Variants in SLC35A3 observed in about 807,000 individuals in gnomAD.
SLC35A3 encodes the protein UDP-N-acetylglucosamine transporter.
A neutral mutation model predicts 39.0 loss-of-function variants in SLC35A3; 26 were observed. The observed-to-expected ratio is 0.67, with a 90% CI of 0.49 to 0.92. The LOEUF (loss-of-function observed/expected upper bound fraction) is 0.92. SLC35A3 is among the 40% of genes least tolerant of loss of function. The probability of loss-of-function intolerance (pLI) is 0.00; values close to 1 mark genes in which losing one functional copy is unlikely to be tolerated. For missense variants in SLC35A3, 299 were observed against 371.6 expected, an observed-to-expected ratio of 0.80 and a Z score of 1.61; for synonymous variants, 135 against 133.1, an observed-to-expected ratio of 1.01 and a Z score of -0.10.
intron 1 of SLC35A3, among the ~76,000 whole-genome samples, chr1:99,976,957 C>G (rs1375252602): frequency 3.3e-5 from 5 of 151,906 alleles, no homozygotes; most frequent in Non-Finnish European, 5.9e-5. Context: ...CCCTTACCTT[C>G]AATCTAAAAT....
chr1:100,022,458 A>C lies in SLC35A3; in HGVS notation c.960A>C (p.Gly320=). ...FLYGYDPKPA[G]NPTKA is the part of the protein sequence containing the mutation. ...ATGGTTATGATCCCAAACCTGCAGG[A>C]AATCCCACTAAAGCATAGTTGTATA... The change falls in exon 8 of 8, where the codon GGA becomes GGC. Residue 320 remains glycine (G), a synonymous_variant. Transcript: ENST00000533028. The C allele has an allele frequency of 1.3e-6, 2 of 1,590,162 alleles. No individual in the cohort carries two copies. The highest frequency in any genetic ancestry group is 1.7e-6 in the Non-Finnish European group (2 of 1,159,772).
In SLC35A3 at chr1:99,999,388, A is replaced by G. The variant is rs1251596342; in HGVS notation, c.315A>G (p.Leu105=). ...AGAATAATTTACTGTATGTGGCACT[A>G]TCAAATCTAGATGCAGCTACTTATC... ...TLQNNLLYVA[L]SNLDAATYQV... is the part of the protein sequence containing the mutation. The change falls in exon 3 of 8, where the codon CTA becomes CTG. Residue 105 remains leucine, a synonymous_variant. Transcript: ENST00000533028. 1 of 1,588,168 alleles carries G rather than the reference A, an allele frequency of 6.3e-7. No individual in the cohort carries two copies. Among genetic ancestry groups the G allele is most frequent in the Non-Finnish European group, 8.5e-7 (1 of 1,171,758 alleles).
intron 5 of SLC35A3, among the ~76,000 whole-genome samples, chr1:100,012,623 C>T (rs926769189): frequency 1.3e-5 from 2 of 152,120 alleles, no homozygotes; most frequent in African/African-American, 4.8e-5. Flanking sequence ...ACCAGGAACT[C>T]TATTACCTAT....
chr1:99,978,271 A>G (rs890199224), intron 1 of SLC35A3, among the ~76,000 whole-genome samples: 6 of 152,176 alleles, frequency 3.9e-5, no homozygotes, highest in African/African-American at 1.4e-4. Flanking sequence ...CATACCTGCA[A>G]TCCCAGCACT....
intron 1 of SLC35A3, chr1:99,970,647 A>G (rs1656751755): frequency 1.3e-6 from 2 of 1,533,468 alleles, no homozygotes; most frequent in Non-Finnish European, 1.7e-6. Flanking sequence ...TGCCCTTGGT[A>G]AGGCTAGTAA....
At chr1:100,005,608 T>G (rs887054469) in intron 3 of SLC35A3, among the ~76,000 whole-genome samples, 1 of 152,234 alleles carries the variant, frequency 6.6e-6, no homozygotes, top group Admixed American at 6.5e-5. Context: ...TTCTTTATTC[T>G]GTTTCATCTA....
At chr1:99,970,439 C>A in intron 1 of SLC35A3, 1 of 761,218 alleles carries the variant, frequency 1.3e-6, no homozygotes, top group Non-Finnish European at 2.1e-6. Context: ...GTGTGTCAAG[C>A]GAATGAAGAC....
chr1:100,009,923 C>T (rs112021877), intron 4 of SLC35A3, among the ~76,000 whole-genome samples: 8 of 152,224 alleles, frequency 5.3e-5, no homozygotes, highest in African/African-American at 1.7e-4. Flanking sequence ...GACTTGAGCT[C>T]AGAAGAGATG....
At chr1:100,000,278 G>C (rs780575378) in intron 3 of SLC35A3, among the ~76,000 whole-genome samples, 11 of 152,000 alleles carry the variant, frequency 7.2e-5, no homozygotes, top group Non-Finnish European at 1.6e-4. Flanking sequence ...CTATTCTAAC[G>C]GGGCAGGATG....
In SLC35A3 at chr1:100,024,655, T is replaced by A. The variant is rs1660793724; in HGVS notation, c.*2179T>A. The A allele has an allele frequency of 2.6e-6, 1 of 383,828 alleles. No individual in the cohort carries two copies. Among genetic ancestry groups the A allele is most frequent in the Non-Finnish European group, 4.6e-6 (1 of 217,874 alleles). 23.8% of individuals were successfully genotyped at this position (383,828 alleles called of 1,614,324 possible). ...TTTTTTTTGAGACAGAGTCTCACTT[T>A]GTCGCCAGGCTGGAGTGCTGTGGCG... On this transcript the variant is annotated 3_prime_UTR_variant, in exon 8 of 8. Transcript: ENST00000533028.
chr1:100,007,104 T>G lies in SLC35A3; in HGVS notation c.413T>G (p.Val138Gly), dbSNP rs752315530. Residue 138 changes from valine to glycine, a missense_variant, in exon 4 of 8, where the codon GTA becomes GGA. Transcript: ENST00000533028. ...SVSMLSKKLG[V>G]YQWLSLVILM... ...TCTATGCTTAGTAAAAAATTGGGTG[T>G]ATACCAGTGGCTGTCCCTAGTAATT... The G allele has an allele frequency of 1.9e-6, 3 of 1,612,720 alleles. No individual in the cohort carries two copies. The African/African-American group carries it at 4.0e-5, about 22-fold the overall frequency.
chr1:99,982,444 A>G (rs953098015), intron 1 of SLC35A3, among the ~76,000 whole-genome samples: 2 of 152,154 alleles, frequency 1.3e-5, no homozygotes, highest in African/African-American at 4.8e-5. Context: ...TGGTGGTAGT[A>G]AGTGTGCATT....
At chr1:100,005,406 CAT>C (rs1326235015) in intron 3 of SLC35A3, among the ~76,000 whole-genome samples, 15 of 152,296 alleles carry the variant, frequency 9.8e-5, no homozygotes, top group African/African-American at 3.4e-4. Flanking sequence ...CCACAACTAA[CAT>C]ATGTTTTGAG....
intron 1 of SLC35A3, among the ~76,000 whole-genome samples, chr1:99,979,430 C>CTTTTTTTTTTTTTTTTTT (rs755564922): frequency 7.3e-6 from 1 of 136,316 alleles, no homozygotes; most frequent in Non-Finnish European, 1.6e-5. Flanking sequence ...CCTTTTCTTT[C>CTTTTTTTTTTTTTTTTTT]TTTTTTTTTT....
rs1023054571 is a variant in SLC35A3, at chr1:100,024,354, C to G, written c.*1878C>G. On this transcript the variant is annotated 3_prime_UTR_variant, in exon 8 of 8. Transcript: ENST00000533028. ...GATCACAAGGTCAGGAATTCGAGACCAGCCTGGCCAGCATGGTGAAATCCC... is the reference window on the plus strand; with the variant it reads ...GATCACAAGGTCAGGAATTCGAGACGAGCCTGGCCAGCATGGTGAAATCCC... 6.6e-6 allele frequency: 1 copy of G among 151,834 alleles called. No homozygotes were observed. Among genetic ancestry groups the G allele is most frequent in the Non-Finnish European group, 1.5e-5 (1 of 68,014 alleles). The allele number at this position is 151,834 out of a possible 1,614,324, so 9.4% of individuals were successfully genotyped here.
chr1:99,999,506 A>G, intron 3 of SLC35A3, 91 bp downstream of exon 3: 1 of 736,956 alleles, frequency 1.4e-6, no homozygotes, highest in Non-Finnish European at 2.1e-6. Flanking sequence ...TGGTATTTTG[A>G]TACATGCATC....
At chr1:99,996,560 A>G (rs1398193315) in intron 2 of SLC35A3, among the ~76,000 whole-genome samples, 1 of 152,176 alleles carries the variant, frequency 6.6e-6, no homozygotes, top group Non-Finnish European at 1.5e-5. Flanking sequence ...GGAATTGGTG[A>G]TTATTTAAAA....
chr1:99,978,943 T>G (rs1657281184), intron 1 of SLC35A3: 1 of 152,210 alleles, frequency 6.6e-6, no homozygotes, highest in Non-Finnish European at 1.5e-5. Flanking sequence ...CATAGAGTGT[T>G]CCCTTTGGCA....
Position 100,021,753 on chromosome 1 carries a change from A to G in SLC35A3, c.888-633A>G, listed in dbSNP as rs200896040. Among the ~76,000 whole-genome samples the G allele has an allele frequency of 2.6e-5, 4 of 152,188 alleles. No homozygotes were observed. In the East Asian group the frequency reaches 7.7e-4, roughly 29 times the overall value. ...TCATTTCTGATTTATTGTAAAGTAGACTATATCTATAAATATATAGGATAA... is the reference window on the plus strand; with the variant it reads ...TCATTTCTGATTTATTGTAAAGTAGGCTATATCTATAAATATATAGGATAA... On this transcript the variant is annotated intron_variant, in intron 7 of 7. Coordinates refer to ENST00000533028, the MANE Select transcript of SLC35A3 (RefSeq NM_012243.3).
Sources: allele counts gnomAD v4.1 joint callset (sites outside exome capture counted in the v4.1 genomes callset), GRCh38; gene constraint gnomAD v4.1.1; transcripts MANE v1.5; gene names NCBI Gene and HGNC (gene_info 2026-07-23, HGNC 2026-07-21).